The following SYTL5 variants were observed in gnomAD, a reference collection of about 807,000 sequenced individuals.
SYTL5 encodes synaptotagmin-like protein 5.
Under a neutral mutation model 55.9 loss-of-function variants are expected in SYTL5, and 34 were observed. The ratio of observed to expected loss-of-function variants is 0.61; its 90% confidence interval spans 0.46 to 0.81. The LOEUF is 0.81. Ranked by LOEUF, SYTL5 falls within the 30% of genes least tolerant of loss-of-function variation. The pLI is 0.00. For synonymous variants in SYTL5, 221 were observed against 188.7 expected (o/e 1.17, Z -1.40); for missense variants, 637 against 546.7 (o/e 1.17, Z -1.65).
chrX:37,991,696 G>A, the SYTL5 span, among the ~76,000 whole-genome samples: 1 of 111,935 alleles, frequency 8.9e-6, no homozygotes, highest in Non-Finnish European at 1.9e-5. Context: ...TCAGAGGGCG[G>A]TGGCCACAGG....
In SYTL5 at chrX:38,115,763, T is replaced by A. The variant is rs139182890; in HGVS notation, c.1597-4595T>A. Among the ~76,000 whole-genome samples the A allele has an allele frequency of 9.9e-3, 1,111 of 111,788 alleles. 11 individuals are homozygous for A. Among genetic ancestry groups the A allele is most frequent in the Non-Finnish European group, 0.014 (738 of 53,147 alleles). On this transcript the variant is annotated intron_variant, in intron 13 of 16. Transcript: ENST00000297875. ...GTCTGTTAAGATCCTTTCCCCATTA[T>A]TTAATTGGATTATTTGTTTTCTTAC...
chrX:37,893,544 A>T, the SYTL5 span, among the ~76,000 whole-genome samples: 1 of 90,382 alleles, frequency 1.1e-5, no homozygotes, highest in East Asian at 3.3e-4. Flanking sequence ...GATAATATAT[A>T]ATCTATAGAT....
At chrX:37,954,372 C>G in the SYTL5 span, among the ~76,000 whole-genome samples, 1 of 111,847 alleles carries the variant, frequency 8.9e-6, no homozygotes, top group African/African-American at 3.2e-5. Flanking sequence ...TTTTCTCTAG[C>G]TGTCCTGGAT....
intron 10 of SYTL5, among the ~76,000 whole-genome samples, chrX:38,106,312 G>A (rs1267840929): frequency 1.8e-5 from 2 of 112,034 alleles, no homozygotes; most frequent in African/African-American, 3.2e-5. Context: ...TTCATTAGTA[G>A]AAGTGAGTAA....
At chrX:38,045,083 T>C (rs1473771163) in intron 2 of SYTL5, among the ~76,000 whole-genome samples, 3 of 111,972 alleles carry the variant, frequency 2.7e-5, no homozygotes, top group Non-Finnish European at 5.6e-5. Context: ...GCAAGTGATT[T>C]ATTAAAGAGA....
At chrX:38,120,334 A>T in intron 13 of SYTL5, 24 bp from the exon 14 acceptor site, 1 of 1,112,676 alleles carries the variant, frequency 9.0e-7, no homozygotes, top group South Asian at 1.8e-5. Context: ...TACTCTTTCA[A>T]CTTACTTGTT....
At chrX:38,073,754 A>G in intron 5 of SYTL5, 56 bp downstream of exon 5, 1 of 851,630 alleles carries the variant, frequency 1.2e-6, no homozygotes, top group Non-Finnish European at 1.6e-6. Context: ...CACCTCTGAA[A>G]TGAAGACTCC....
At chrX:37,955,935 T>C in the SYTL5 span, among the ~76,000 whole-genome samples, 1 of 111,848 alleles carries the variant, frequency 8.9e-6, no homozygotes, top group African/African-American at 3.2e-5. Flanking sequence ...CTGTTTTCCA[T>C]GGTGGACCAA....
At chrX:38,080,398 A>T (rs1313672245) in intron 6 of SYTL5, among the ~76,000 whole-genome samples, 1 of 111,513 alleles carries the variant, frequency 9.0e-6, no homozygotes, top group African/African-American at 3.3e-5. Context: ...TGGTCTCGTA[A>T]CCAACTAGGT....
the SYTL5 span, among the ~76,000 whole-genome samples, chrX:37,904,892 C>T: frequency 3.6e-5 from 4 of 111,016 alleles, no homozygotes; most frequent in Admixed American, 3.8e-4. Flanking sequence ...AATCCCTCAC[C>T]CTTGCCAGGG....
chrX:38,055,677 C>T (rs1297930207), intron 3 of SYTL5, among the ~76,000 whole-genome samples: 1 of 112,085 alleles, frequency 8.9e-6, no homozygotes, highest in Non-Finnish European at 1.9e-5. Flanking sequence ...TTCATCTTCT[C>T]TAAATGAGGA....
At chrX:38,030,825 CT>C (rs1934931638) in intron 1 of SYTL5, among the ~76,000 whole-genome samples, 1 of 112,315 alleles carries the variant, frequency 8.9e-6, no homozygotes, top group South Asian at 3.7e-4. Context: ...CTTGCAAAGG[CT>C]TTTAACTTCT....
In SYTL5 at chrX:38,106,614, A is replaced by G. The variant is rs371188166; in HGVS notation, c.1177A>G (p.Ser393Gly). 4.2e-6 allele frequency: 5 copies of G among 1,201,604 alleles called. No homozygotes were observed. The highest frequency in any genetic ancestry group is 5.6e-6 in the Non-Finnish European group (5 of 891,919). Reference sequence around the variant, plus strand: ...CCAGACCAGCCTTAACAGCATGATGAGCGTTTACAGTGAAACGGGAGACTA... The same window carrying G: ...CCAGACCAGCCTTAACAGCATGATGGGCGTTTACAGTGAAACGGGAGACTA... ...LSTTSLNSMM[S>G]VYSETGDYGN... Residue 393 changes from serine to glycine, a missense_variant, in exon 11 of 17, where the codon AGC becomes GGC. Physicochemically the swap from Ser to Gly is moderately conservative, Grantham distance 56. Transcript: ENST00000297875.
the SYTL5 span, among the ~76,000 whole-genome samples, chrX:37,912,746 G>A: frequency 8.0e-5 from 9 of 112,041 alleles, no homozygotes; most frequent in African/African-American, 2.9e-4. Flanking sequence ...AGGTAGTCAT[G>A]TTAATTTCCA....
rs190428466 is a variant in SYTL5 at position 38,113,999 on chromosome X, A to G, written c.1596+3517A>G. Among the ~76,000 whole-genome samples the G allele has an allele frequency of 1.8e-3, 202 of 111,517 alleles. 1 individual carries two copies. Among genetic ancestry groups the G allele is most frequent in the Non-Finnish European group, 2.6e-3 (136 of 53,025 alleles). On this transcript the variant is annotated intron_variant, in intron 13 of 16. Coordinates refer to ENST00000297875, the MANE Select transcript of SYTL5 (RefSeq NM_138780.3). ...TGGGACTTAACAACAGTTACTCTCC[A>G]TGGAACTTTGCCTGAAATCACATCC...
chrX:38,016,084 G>A (rs1934345818), intron 1 of SYTL5, among the ~76,000 whole-genome samples: 1 of 111,381 alleles, frequency 9.0e-6, no homozygotes, highest in Non-Finnish European at 1.9e-5. Flanking sequence ...CTTTAAGTTA[G>A]ATGTTATGTG....
intron 2 of SYTL5, among the ~76,000 whole-genome samples, chrX:38,034,296 C>G (rs73632433): frequency 8.9e-6 from 1 of 112,463 alleles, no homozygotes; most frequent in Admixed American, 9.4e-5. Context: ...TGAGTACCAG[C>G]TCTGGCAAGT....
At chrX:37,894,168 A>C in the SYTL5 span, among the ~76,000 whole-genome samples, 1 of 111,895 alleles carries the variant, frequency 8.9e-6, no homozygotes, top group Admixed American at 9.6e-5. Flanking sequence ...ATTTATGACT[A>C]TATCACAGTT....
chrX:38,118,972 T>TAC (rs1937538085), intron 13 of SYTL5, among the ~76,000 whole-genome samples: 2 of 103,133 alleles, frequency 1.9e-5, no homozygotes, highest in Non-Finnish European at 3.9e-5. Context: ...TATATATATA[T>TAC]GTACGCATAT....
Sources: allele counts gnomAD v4.1 joint callset (sites outside exome capture counted in the v4.1 genomes callset), GRCh38; gene constraint gnomAD v4.1.1; transcripts MANE v1.5; gene names NCBI Gene and HGNC (gene_info 2026-07-23, HGNC 2026-07-21).